KLHL32: variants seen among roughly 807,000 people sequenced by gnomAD.
KLHL32 encodes the protein kelch like family member 32.
In KLHL32, 35 loss-of-function variants were observed where a neutral mutation model predicts 64.8. The observed-to-expected ratio is 0.54, with a 90% CI of 0.41 to 0.72. The LOEUF (loss-of-function observed/expected upper bound fraction) is 0.72, where lower values mean the gene tolerates loss of function less well. Among genes scored for constraint, KLHL32 ranks in the 30% least tolerant of loss-of-function variants. KLHL32 has a pLI of 0.00. For missense variants in KLHL32, 589 were observed against 768.5 expected (o/e 0.77, Z 2.76); for synonymous variants, 259 against 281.0 (o/e 0.92, Z 0.78).
At chr6:96,987,800 A>G (rs544086108) in intron 3 of KLHL32, among the ~76,000 whole-genome samples, 206 of 152,348 alleles carry the variant, frequency 1.4e-3, no homozygotes, top group African/African-American at 4.7e-3. Context: ...ATAATGCGGC[A>G]TATCTACAAC....
intron 1 of KLHL32, among the ~76,000 whole-genome samples, chr6:96,956,362 A>G (rs1302084538): frequency 2.0e-5 from 3 of 152,206 alleles, no homozygotes; most frequent in Non-Finnish European, 4.4e-5. Flanking sequence ...CATAAGCACT[A>G]TTGGAGCCAG....
chr6:96,964,143 G>A (rs1774173181), intron 1 of KLHL32, among the ~76,000 whole-genome samples: 1 of 151,004 alleles, frequency 6.6e-6, no homozygotes, highest in Admixed American at 6.6e-5. Context: ...CCACTCAGCT[G>A]GCTCAGCTCT....
chr6:97,029,520 C>T lies in KLHL32; in HGVS notation c.205-11972C>T, dbSNP rs1428405204. Among the ~76,000 whole-genome samples the T allele has an allele frequency of 3.3e-5, 5 of 152,052 alleles. No homozygotes were observed. In the East Asian group the frequency reaches 5.8e-4, roughly 18 times the overall value. On this transcript the variant is annotated intron_variant, in intron 3 of 10. Coordinates refer to ENST00000369261, the MANE Select transcript of KLHL32 (RefSeq NM_052904.4). The stretch of plus-strand genomic sequence containing the variant: ...AGTTTGTCTTGTGATATTTTATTCT[C>T]TGACAGTATTATTATACTATGGGAG...
chr6:96,985,935 G>A (rs1037598885), intron 3 of KLHL32, among the ~76,000 whole-genome samples: 1 of 152,148 alleles, frequency 6.6e-6, no homozygotes, highest in Non-Finnish European at 1.5e-5. Context: ...TCCTTTGGAG[G>A]AGGAGAGGTG....
intron 3 of KLHL32, among the ~76,000 whole-genome samples, chr6:97,007,220 A>C (rs112065697): frequency 1.3e-5 from 2 of 150,926 alleles, no homozygotes; most frequent in African/African-American, 4.9e-5. Context: ...TTTTTGTCTG[A>C]CTGAAATATT....
intron 3 of KLHL32, among the ~76,000 whole-genome samples, chr6:96,984,640 C>G (rs1422527179): frequency 6.6e-6 from 1 of 151,964 alleles, no homozygotes; most frequent in Non-Finnish European, 1.5e-5. Context: ...ATGGCCTTGT[C>G]TCTTTTGATC....
At chr6:96,977,821 G>A (rs929118453) in intron 3 of KLHL32, among the ~76,000 whole-genome samples, 1 of 152,178 alleles carries the variant, frequency 6.6e-6, no homozygotes, top group African/African-American at 2.4e-5. Context: ...AGAAGATAAA[G>A]AGGTAATTAC....
At chr6:96,903,336 A>G in the KLHL32 span, among the ~76,000 whole-genome samples, 1 of 152,132 alleles carries the variant, frequency 6.6e-6, no homozygotes, top group South Asian at 2.1e-4. Flanking sequence ...AATAGAATAT[A>G]GCAAATATGA....
chr6:96,951,091 T>G (rs1772520705), intron 1 of KLHL32, among the ~76,000 whole-genome samples: 1 of 152,134 alleles, frequency 6.6e-6, no homozygotes, highest in South Asian at 2.1e-4. Flanking sequence ...AGTGGTTAAA[T>G]AGAAATTTAA....
At chr6:97,015,669 C>T (rs769551142) in intron 3 of KLHL32, among the ~76,000 whole-genome samples, 1 of 152,140 alleles carries the variant, frequency 6.6e-6, no homozygotes, top group Non-Finnish European at 1.5e-5. Context: ...AACCCATTTT[C>T]TGGGGAGACG....
intron 5 of KLHL32, 67 bp downstream of exon 5, chr6:97,064,793 CCAA>C: frequency 7.7e-7 from 1 of 1,303,646 alleles, no homozygotes; most frequent in Admixed American, 1.7e-5. Flanking sequence ...AAGCTGGCCC[CCAA>C]CAACTGGAGC....
At chr6:96,904,936 T>C in the KLHL32 span, among the ~76,000 whole-genome samples, 2 of 152,224 alleles carry the variant, frequency 1.3e-5, no homozygotes, top group Admixed American at 6.5e-5. Flanking sequence ...TTCCCATTTA[T>C]AACAATTCCC....
intron 5 of KLHL32, among the ~76,000 whole-genome samples, chr6:97,069,166 C>T (rs926585459): frequency 6.6e-6 from 1 of 152,146 alleles, no homozygotes; most frequent in Non-Finnish European, 1.5e-5. Context: ...TCTTACTATT[C>T]TTCACTCAGA....
intron 1 of KLHL32, among the ~76,000 whole-genome samples, chr6:96,961,459 C>T (rs1452696770): frequency 1.3e-5 from 2 of 152,178 alleles, no homozygotes; most frequent in African/African-American, 4.8e-5. Flanking sequence ...GTCATCAAGA[C>T]CTATAGGACA....
At chr6:96,910,821 G>T in the KLHL32 span, among the ~76,000 whole-genome samples, 1 of 152,058 alleles carries the variant, frequency 6.6e-6, no homozygotes, top group Non-Finnish European at 1.5e-5. Flanking sequence ...TAAAATAAGA[G>T]AACCATAAAA....
chr6:96,905,880 C>T, the KLHL32 span, among the ~76,000 whole-genome samples: 1 of 152,276 alleles, frequency 6.6e-6, no homozygotes, highest in South Asian at 2.1e-4. Flanking sequence ...CATTTAGCTG[C>T]CTGAGGCTGT....
At chr6:96,977,291 G>A (rs1295558150) in intron 3 of KLHL32, among the ~76,000 whole-genome samples, 1 of 152,200 alleles carries the variant, frequency 6.6e-6, no homozygotes, top group African/African-American at 2.4e-5. Context: ...CTCAGGATCA[G>A]TAAGAAGTCA....
intron 6 of KLHL32, among the ~76,000 whole-genome samples, chr6:97,107,439 G>T (rs955666935): frequency 6.6e-6 from 1 of 152,194 alleles, no homozygotes; most frequent in African/African-American, 2.4e-5. Context: ...TAGCTTTTCT[G>T]CTAATTCATT....
intron 6 of KLHL32, among the ~76,000 whole-genome samples, chr6:97,090,738 T>C (rs553384314): frequency 1.5e-4 from 23 of 152,382 alleles, no homozygotes; most frequent in African/African-American, 5.3e-4. Context: ...CATTTATTAT[T>C]GCTTTGTTCT....
Sources: allele counts gnomAD v4.1 joint callset (sites outside exome capture counted in the v4.1 genomes callset), GRCh38; gene constraint gnomAD v4.1.1; transcripts MANE v1.5; gene names NCBI Gene and HGNC (gene_info 2026-07-23, HGNC 2026-07-21).